Variants in LRPPRC observed in about 807,000 individuals in gnomAD.
The protein encoded by LRPPRC is leucine-rich PPR motif-containing protein, mitochondrial.
A neutral mutation model predicts 180.3 loss-of-function variants in LRPPRC; 120 were observed. The ratio of observed to expected loss-of-function variants is 0.67; its 90% confidence interval spans 0.57 to 0.77. The LOEUF (loss-of-function observed/expected upper bound fraction) is 0.77, where lower values mean the gene tolerates loss of function less well. LRPPRC is among the 30% of genes least tolerant of loss of function. The pLI is 0.00. For synonymous variants in LRPPRC, 723 were observed against 600.0 expected (o/e 1.21, Z -3.00); for missense variants, 2,012 against 1,657.2 (o/e 1.21, Z -3.72).
chr2:43,918,995 T>A (rs79565413), intron 27 of LRPPRC, among the ~76,000 whole-genome samples: 4,385 of 152,118 alleles, frequency 0.029, 212 homozygotes, highest in African/African-American at 0.1. Context: ...TTGCAAAGGC[T>A]ACAGGTACTG....
At chr2:43,921,318 C>T (rs1671692182) in intron 27 of LRPPRC, among the ~76,000 whole-genome samples, 1 of 152,054 alleles carries the variant, frequency 6.6e-6, no homozygotes, top group Non-Finnish European at 1.5e-5. Context: ...AACACAAATA[C>T]ATGTTAAGAA....
chr2:43,888,747 A>G, intron 37 of LRPPRC, 91 bp from the exon 38 acceptor site: 1 of 742,268 alleles, frequency 1.3e-6, no homozygotes, highest in Non-Finnish European at 2.4e-6. Context: ...ACCAACTGGT[A>G]GCTAAGACTG....
chr2:43,976,073 G>C, intron 6 of LRPPRC, 70 bp downstream of exon 6: 1 of 854,608 alleles, frequency 1.2e-6, no homozygotes, highest in East Asian at 2.4e-5. Context: ...AACAAAAAAG[G>C]AGTAAAATGA....
chr2:43,915,479 T>C (rs1291913196), intron 29 of LRPPRC, among the ~76,000 whole-genome samples: 1 of 151,874 alleles, frequency 6.6e-6, no homozygotes, highest in Non-Finnish European at 1.5e-5. Flanking sequence ...AAGTCAGGAA[T>C]TTGAGATCAG....
Position 43,995,804 on chromosome 2 carries a change from C to T in LRPPRC, c.144G>A (p.Val48=). 1 of 1,388,710 alleles carries T rather than the reference C, an allele frequency of 7.2e-7. No individual in the cohort carries two copies. Among genetic ancestry groups the T allele is most frequent in the Non-Finnish European group, 9.2e-7 (1 of 1,083,384 alleles). 86.0% of individuals were successfully genotyped at this position (1,388,710 alleles called of 1,614,324 possible). ...GAAAGGGCCTGGGCACTCACCCGGCCACGGGCCCGGCGCGAGCGGCGGGCA... is the reference window on the plus strand; with the variant it reads ...GAAAGGGCCTGGGCACTCACCCGGCTACGGGCCCGGCGCGAGCGGCGGGCA... ...SYLPAARAGP[V]AGGLLSPARL... is the part of the protein sequence containing the mutation. Residue 48 remains valine, a synonymous_variant, in exon 1 of 38, where the codon GTG becomes GTA. Transcript: ENST00000260665.
Position 43,979,850 on chromosome 2 carries a change from T to C in LRPPRC, c.445A>G (p.Ile149Val), listed in dbSNP as rs1280698535. 1 of 1,613,244 alleles carries C rather than the reference T, an allele frequency of 6.2e-7. No individual in the cohort carries two copies. Among genetic ancestry groups the C allele is most frequent in the East Asian group, 2.2e-5 (1 of 44,824 alleles). The change falls in exon 3 of 38, where the codon ATA (isoleucine) becomes GTA (valine). Residue 149 changes from isoleucine to valine, a missense_variant. Physicochemically the swap from Ile to Val is conservative, Grantham distance 29. Transcript: ENST00000260665. ...LEERTEFAHR[I>V]WDTLQKLGAV... The stretch of plus-strand genomic sequence containing the variant: ...CCTAATTTCTGAAGTGTGTCCCATA[T>C]CCTATGAGCAAATTCTGTTCTCTCT...
intron 11 of LRPPRC, among the ~76,000 whole-genome samples, chr2:43,969,849 A>G (rs935540478): frequency 3.3e-4 from 50 of 151,938 alleles, no homozygotes; most frequent in African/African-American, 1.1e-3. Flanking sequence ...TAATTTTTCT[A>G]TTTTTTTGTA....
At chr2:43,946,284 G>C (rs769394361) in intron 20 of LRPPRC, 41 bp from the exon 21 acceptor site, 2 of 1,522,052 alleles carry the variant, frequency 1.3e-6, no homozygotes, top group Non-Finnish European at 1.8e-6. Flanking sequence ...AAATCAGTGT[G>C]AAGGTAAAAA....
rs148988630 is a variant in LRPPRC at position 43,912,202 on chromosome 2, A to C, written c.3275+230T>G. On this transcript the variant is annotated intron_variant, in intron 30 of 37. Transcript: ENST00000260665. ...GATATCTTAAATGAATTGTGATGGA[A>C]TATAACTTAGTAAGCAAAATGTACT... Among the ~76,000 whole-genome samples the C allele has an allele frequency of 8.9e-3, 1,352 of 152,326 alleles. 14 individuals carry two copies. Among genetic ancestry groups the C allele is most frequent in the Non-Finnish European group, 0.011 (748 of 68,020 alleles).
chr2:43,944,599 G>T (rs1672610784), intron 22 of LRPPRC, among the ~76,000 whole-genome samples: 1 of 151,988 alleles, frequency 6.6e-6, no homozygotes, highest in African/African-American at 2.4e-5. Context: ...TCTAATAAAT[G>T]ATTTTCTCCA....
chr2:43,922,518 A>T (rs181279576), intron 27 of LRPPRC, among the ~76,000 whole-genome samples: 58 of 152,290 alleles, frequency 3.8e-4, no homozygotes, highest in Admixed American at 5.9e-4. Context: ...AAAAAGCATA[A>T]TGAGGCCAAG....
intron 34 of LRPPRC, 92 bp downstream of exon 34, chr2:43,899,127 T>C: frequency 2.4e-6 from 2 of 840,030 alleles, no homozygotes; most frequent in South Asian, 2.8e-5. Context: ...ACTGAATTTC[T>C]AGTATTCCAC....
At chr2:43,933,576 T>C (rs1435029145) in intron 25 of LRPPRC, among the ~76,000 whole-genome samples, 1 of 152,214 alleles carries the variant, frequency 6.6e-6, no homozygotes, top group Non-Finnish European at 1.5e-5. Flanking sequence ...TTGGACAGAC[T>C]TTATAGTTGG....
At chr2:43,890,739 T>C (rs1272970522) in intron 36 of LRPPRC, among the ~76,000 whole-genome samples, 1 of 152,054 alleles carries the variant, frequency 6.6e-6, no homozygotes, top group Non-Finnish European at 1.5e-5. Flanking sequence ...GCAAAACCTA[T>C]AAGGAGACAT....
chr2:43,920,129 A>C (rs1295841368), intron 27 of LRPPRC, among the ~76,000 whole-genome samples: 4 of 150,598 alleles, frequency 2.7e-5, no homozygotes, highest in Non-Finnish European at 5.9e-5. Flanking sequence ...TGGGTCACAC[A>C]GATTGCAGCC....
chr2:43,985,540 C>G (rs1674492682), intron 1 of LRPPRC, among the ~76,000 whole-genome samples: 1 of 152,186 alleles, frequency 6.6e-6, no homozygotes, highest in Non-Finnish European at 1.5e-5. Context: ...TTACCTGTCT[C>G]TAGTTTTGCC....
chr2:43,960,404 C>G (rs1378485937), intron 13 of LRPPRC, 137 bp downstream of exon 13: 1 of 680,152 alleles, frequency 1.5e-6, no homozygotes, highest in East Asian at 2.7e-5. Flanking sequence ...AAGTTCAACT[C>G]ATAAACCGTT....
At chr2:43,934,924 G>T in intron 23 of LRPPRC, 46 bp from the exon 24 acceptor site, 1 of 1,545,320 alleles carries the variant, frequency 6.5e-7, no homozygotes. Flanking sequence ...ATCGAATTCA[G>T]CTTAGTCTCT....
At chr2:43,923,177 T>TAAAAAAAAAA in intron 27 of LRPPRC, among the ~76,000 whole-genome samples, 1 of 130,554 alleles carries the variant, frequency 7.7e-6, no homozygotes, top group East Asian at 2.2e-4. Flanking sequence ...TTTGTTTCTT[T>TAAAAAAAAAA]AAAAAAAAAA....
Sources: gnomAD v4.1 joint callset for allele counts (sites outside exome capture counted in the v4.1 genomes callset) on GRCh38, gnomAD v4.1.1 for gene constraint, MANE v1.5 for transcripts, NCBI Gene and HGNC (gene_info 2026-07-23, HGNC 2026-07-21) for gene names.